SULT2B1: variants seen among roughly 807,000 people sequenced by gnomAD.
SULT2B1 encodes sulfotransferase family 2B member 1.
A neutral mutation model predicts 33.2 loss-of-function variants in SULT2B1; 16 were observed. The observed-to-expected ratio is 0.48, with a 90% CI of 0.33 to 0.73. The LOEUF is 0.73. Ranked by LOEUF, SULT2B1 falls within the 30% of genes least tolerant of loss-of-function variation. SULT2B1 has a pLI of 0.02. For synonymous variants in SULT2B1, 186 were observed against 200.5 expected, an observed-to-expected ratio of 0.93 and a Z score of 0.61; for missense variants, 500 against 506.0, an observed-to-expected ratio of 0.99 and a Z score of 0.11.
rs1485124362 is a variant in SULT2B1 at position 48,599,321 on chromosome 19, G to GCCT, written c.1014_1016dup (p.Leu339dup). The GCCT allele has an allele frequency of 6.2e-7, 1 of 1,605,444 alleles. No homozygotes were observed. The highest frequency in any genetic ancestry group is 2.2e-5 in the East Asian group (1 of 44,556). On this transcript the variant is annotated inframe_insertion, in exon 7 of 7. Coordinates refer to ENST00000201586, the MANE Select transcript of SULT2B1 (RefSeq NM_177973.2). The surrounding 1 kb of genome is among the most constrained non-coding windows in gnomAD (Gnocchi z 4.1). Reference sequence around the variant, plus strand: ...AAGCCCAGCCTTGAGCCCAACACCAGCCTGGAGCGTGAGCCCAGACCCAAC... The same window carrying GCCT: ...AAGCCCAGCCTTGAGCCCAACACCAGCCTCCTGGAGCGTGAGCCCAGACCCAAC...
intron 2 of SULT2B1, among the ~76,000 whole-genome samples, chr19:48,581,590 T>C (rs1262425997): frequency 6.7e-6 from 1 of 149,922 alleles, no homozygotes; most frequent in Non-Finnish European, 1.5e-5. Flanking sequence ...CCCGAGTAGC[T>C]GGGACTACAG....
chr19:48,575,872 C>A, intron 1 of SULT2B1, 69 bp from the exon 2 acceptor site: 2 of 1,557,398 alleles, frequency 1.3e-6, no homozygotes, highest in South Asian at 2.4e-5. Context: ...GTCCGAGTGT[C>A]GCCACCCTGA....
chr19:48,581,471 A>T (rs1159214368), intron 2 of SULT2B1, among the ~76,000 whole-genome samples: 7 of 37,620 alleles, frequency 1.9e-4, no homozygotes, highest in South Asian at 9.3e-4. Flanking sequence ...GAGATTTGAG[A>T]GTTTTTTTTT....
intron 1 of SULT2B1, among the ~76,000 whole-genome samples, chr19:48,558,327 C>G (rs142495043): frequency 4.1e-4 from 58 of 141,736 alleles, no homozygotes; most frequent in African/African-American, 1.4e-3. Flanking sequence ...TCAGCCCAGA[C>G]AGGAGGCGTT....
At chr19:48,581,223 T>C (rs1973482594) in intron 2 of SULT2B1, among the ~76,000 whole-genome samples, 1 of 119,036 alleles carries the variant, frequency 8.4e-6, no homozygotes, top group South Asian at 2.8e-4. Flanking sequence ...TTTTTTTTTT[T>C]AGTAGATCGG....
chr19:48,593,987 G>A (rs935310832), intron 5 of SULT2B1, among the ~76,000 whole-genome samples: 29 of 151,990 alleles, frequency 1.9e-4, no homozygotes, highest in African/African-American at 6.3e-4. Flanking sequence ...GGCTGGGCAC[G>A]GTGGCTCACG....
In SULT2B1 at chr19:48,552,477, C is replaced by T. The variant is rs1181414681; in HGVS notation, c.71+154C>T. On this transcript the variant is annotated intron_variant, in intron 1 of 6. Transcript: ENST00000201586. This position sits in a 1 kb window ranked among gnomAD's most constrained non-coding sequence, Gnocchi z 4.8. Reference sequence around the variant, plus strand: ...AGGGGCTGGGCTGGGCTGGGGCATCCAGTGTGGTGTATAGGTCCCTCCTGA... The same window carrying T: ...AGGGGCTGGGCTGGGCTGGGGCATCTAGTGTGGTGTATAGGTCCCTCCTGA... Among the ~76,000 whole-genome samples, 1 of 152,134 alleles carries T rather than the reference C, an allele frequency of 6.6e-6. No individual in the cohort carries two copies. The highest frequency in any genetic ancestry group is 1.5e-5 in the Non-Finnish European group (1 of 68,012).
intron 2 of SULT2B1, 92 bp downstream of exon 2, chr19:48,576,175 A>C: frequency 8.3e-7 from 1 of 1,211,402 alleles, no homozygotes; most frequent in Non-Finnish European, 1.2e-6. Context: ...GGAGGGGAGG[A>C]GGAAAAGTGG....
chr19:48,563,731 G>A (rs563719455), intron 1 of SULT2B1, among the ~76,000 whole-genome samples: 6 of 152,206 alleles, frequency 3.9e-5, no homozygotes, highest in Non-Finnish European at 5.9e-5. Context: ...TTGGGAGGCC[G>A]AGGTGGGTGG....
intron 1 of SULT2B1, among the ~76,000 whole-genome samples, chr19:48,570,706 T>G (rs558632262): frequency 1.7e-4 from 15 of 90,334 alleles, no homozygotes; most frequent in African/African-American, 7.8e-4. Flanking sequence ...TTTTTGCTGG[T>G]TTTTGTTTTC....
chr19:48,583,309 C>T (rs962409080), intron 2 of SULT2B1, among the ~76,000 whole-genome samples: 1 of 151,994 alleles, frequency 6.6e-6, no homozygotes, highest in Non-Finnish European at 1.5e-5. Flanking sequence ...GATAGAATTA[C>T]CATATTAACT....
At chr19:48,563,661 T>C (rs575683174) in intron 1 of SULT2B1, among the ~76,000 whole-genome samples, 1 of 151,968 alleles carries the variant, frequency 6.6e-6, no homozygotes, top group South Asian at 2.1e-4. Context: ...CAGGGACTGA[T>C]TGAGACAAGA....
chr19:48,577,432 C>T (rs1290642576), intron 2 of SULT2B1, among the ~76,000 whole-genome samples: 1 of 126,470 alleles, frequency 7.9e-6, no homozygotes, highest in East Asian at 2.7e-4. Flanking sequence ...GTGGCGTGAT[C>T]TCGGCTCACT....
intron 1 of SULT2B1, among the ~76,000 whole-genome samples, chr19:48,569,361 A>AATATAT (rs1568405757): frequency 4.0e-4 from 4 of 9,968 alleles, no homozygotes; most frequent in African/African-American, 1.5e-3. Context: ...AAAAAAAAAA[A>AATATAT]ACATATATAT....
intron 1 of SULT2B1, among the ~76,000 whole-genome samples, chr19:48,569,341 C>CAAAAAAAA (rs1344178712): frequency 4.0e-5 from 1 of 24,900 alleles, no homozygotes; most frequent in African/African-American, 1.0e-4. Flanking sequence ...GACTCCGTCT[C>CAAAAAAAA]AAAAAAAAAA....
intron 1 of SULT2B1, among the ~76,000 whole-genome samples, chr19:48,569,211 G>A (rs1383025329): frequency 2.6e-5 from 4 of 151,166 alleles, no homozygotes; most frequent in Non-Finnish European, 5.9e-5. Flanking sequence ...GCGTGGTGGC[G>A]GGCGCCTGTA....
Position 48,576,359 on chromosome 19 carries a change from C to CTTTTCTTTCTTTT in SULT2B1, c.214+280_214+281insCTTTCTTTTTTTT. 3.5e-4 allele frequency among the ~76,000 whole-genome samples: 34 copies of CTTTTCTTTCTTTT among 96,706 alleles called. 1 individual carries two copies. The highest frequency in any genetic ancestry group is 4.0e-4 in the Non-Finnish European group (21 of 52,012). 63.4% of individuals were successfully genotyped at this position (96,706 alleles called of 152,430 possible). Reference sequence around the variant, plus strand: ...CCTTTCCCCTTTACCCTCTACTTCTCTTTTTTTTTTTTTTTTTTGTAGAGA... The same window carrying CTTTTCTTTCTTTT: ...CCTTTCCCCTTTACCCTCTACTTCTCTTTTCTTTCTTTTTTTTTTTTTTTTTTTTTTGTAGAGA... On this transcript the variant is annotated intron_variant, in intron 2 of 6. Transcript: ENST00000201586.
intron 1 of SULT2B1, among the ~76,000 whole-genome samples, chr19:48,556,865 G>A (rs749538921): frequency 9.2e-5 from 14 of 151,734 alleles, no homozygotes; most frequent in Non-Finnish European, 1.9e-4. Context: ...CAGGAGAATC[G>A]CTTGAACCCA....
chr19:48,592,853 C>T, intron 5 of SULT2B1, 37 bp downstream of exon 5: 1 of 1,524,144 alleles, frequency 6.6e-7, no homozygotes, highest in Non-Finnish European at 8.9e-7. Flanking sequence ...GCGTCCCCCC[C>T]ATACCCTCTG....
Sources: gnomAD v4.1 joint callset for allele counts (sites outside exome capture counted in the v4.1 genomes callset) on GRCh38, gnomAD v4.1.1 for gene constraint, Gnocchi (gnomAD v3.1) non-coding constraint, MANE v1.5 for transcripts, NCBI Gene and HGNC (gene_info 2026-07-23, HGNC 2026-07-21) for gene names.